CEMIP2: variants seen among roughly 807,000 people sequenced by gnomAD.
CEMIP2 encodes cell surface hyaluronidase CEMIP2.
CEMIP2 carries 79 observed loss-of-function variants against 146.9 expected under a neutral mutation model. That is an observed-to-expected ratio of 0.54 (90% CI 0.45 to 0.65). The LOEUF is 0.65. Ranked by LOEUF, CEMIP2 falls within the 30% of genes least tolerant of loss-of-function variation. The probability of loss-of-function intolerance (pLI) is 0.00; values close to 1 mark genes in which losing one functional copy is unlikely to be tolerated. For synonymous variants in CEMIP2, 601 were observed against 606.3 expected (o/e 0.99, Z 0.13); for missense variants, 1,596 against 1,696.2 (o/e 0.94, Z 1.04).
intron 11 of CEMIP2, 57 bp downstream of exon 11, chr9:71,725,524 A>G: frequency 6.5e-7 from 1 of 1,549,374 alleles, no homozygotes; most frequent in Non-Finnish European, 8.8e-7. Flanking sequence ...TAATCACAAT[A>G]GTTCATCCTT....
chr9:71,768,630 G>A (rs934893104), upstream of CEMIP2: 2 of 152,192 alleles, frequency 1.3e-5, no homozygotes, highest in African/African-American at 4.8e-5. Flanking sequence ...TCGGGGGCAG[G>A]GGCCTCGGCT....
chr9:71,718,379 A>C (rs1053337565), intron 12 of CEMIP2, among the ~76,000 whole-genome samples: 2 of 152,178 alleles, frequency 1.3e-5, no homozygotes, highest in African/African-American at 4.8e-5. Context: ...CAGATCAGGA[A>C]GTATGTCATG....
chr9:71,707,096 G>T (rs1376617299), intron 17 of CEMIP2, among the ~76,000 whole-genome samples: 1 of 152,148 alleles, frequency 6.6e-6, no homozygotes, highest in African/African-American at 2.4e-5. Flanking sequence ...CCAAAGTGCT[G>T]GGATTACAGG....
At chr9:71,726,016 A>C (rs1421916565) in intron 10 of CEMIP2, among the ~76,000 whole-genome samples, 1 of 152,244 alleles carries the variant, frequency 6.6e-6, no homozygotes, top group Non-Finnish European at 1.5e-5. Flanking sequence ...GCAGAATTAA[A>C]ACCAAATCGG....
intron 1 of CEMIP2, among the ~76,000 whole-genome samples, chr9:71,767,609 G>A (rs1824835431): frequency 6.6e-6 from 1 of 152,182 alleles, no homozygotes; most frequent in African/African-American, 2.4e-5. Flanking sequence ...TCAGGACCTT[G>A]GTTTTATCGC....
intron 21 of CEMIP2, 144 bp downstream of exon 21, chr9:71,694,365 T>C (rs1304336058): frequency 5.1e-6 from 3 of 591,214 alleles, no homozygotes; most frequent in African/African-American, 1.9e-5. Context: ...CCTTATGATC[T>C]GCCCACCTTG....
intron 1 of CEMIP2, among the ~76,000 whole-genome samples, chr9:71,762,387 G>A (rs1432689043): frequency 2.0e-5 from 3 of 151,688 alleles, no homozygotes; most frequent in East Asian, 1.9e-4. Flanking sequence ...CTTAGAGGCC[G>A]AGGCAGTTGG....
intron 19 of CEMIP2, among the ~76,000 whole-genome samples, chr9:71,698,955 A>T (rs2131875421): frequency 6.6e-6 from 1 of 152,024 alleles, no homozygotes; most frequent in Non-Finnish European, 1.5e-5. Flanking sequence ...TAATGAGGTC[A>T]ATAAACAGTA....
At chr9:71,742,576 A>G (rs1589159149) in intron 4 of CEMIP2, among the ~76,000 whole-genome samples, 2 of 152,236 alleles carry the variant, frequency 1.3e-5, no homozygotes, top group East Asian at 3.9e-4. Flanking sequence ...AATCAAGAGC[A>G]ATATTTTAAA....
chr9:71,718,207 A>T, intron 12 of CEMIP2, 128 bp from the exon 13 acceptor site: 1 of 870,600 alleles, frequency 1.1e-6, no homozygotes, highest in Non-Finnish European at 1.6e-6. Flanking sequence ...CTTAAGATAC[A>T]ACTTACTTAC....
chr9:71,761,841 T>C (rs990761504), intron 1 of CEMIP2, among the ~76,000 whole-genome samples: 1 of 152,100 alleles, frequency 6.6e-6, no homozygotes, highest in Non-Finnish European at 1.5e-5. Context: ...GCTGAGGAGG[T>C]GATTGCTTGA....
chr9:71,722,495 T>C lies in CEMIP2; in HGVS notation c.2199A>G (p.Lys733=). The change falls in exon 12 of 24, where the codon AAA becomes AAG. Residue 733 remains lysine, a synonymous_variant. Transcript: ENST00000377044. ...CACTAGAGTTGGTTGTTTTGACACC[T>C]TTGTCAATAAATAAGCCAGCCTGAA... ...SNFKAGLFID[K]GVKTTNSSAA... 6.2e-7 allele frequency: 1 copy of C among 1,613,308 alleles called. No individual in the cohort carries two copies. The highest frequency in any genetic ancestry group is 1.1e-5 in the South Asian group (1 of 91,008).
chr9:71,745,549 C>G lies in CEMIP2; in HGVS notation c.503G>C (p.Gly168Ala), dbSNP rs1280044475. The G allele has an allele frequency of 6.2e-7, 1 of 1,610,396 alleles. No individual in the cohort carries two copies. The highest frequency in any genetic ancestry group is 8.5e-7 in the Non-Finnish European group (1 of 1,179,134). Reference sequence around the variant, plus strand: ...AGTCCTCAAAGTAATATTTCTGGATCCATCTTTATTGTCCCCAAATACAAG... The same window carrying G: ...AGTCCTCAAAGTAATATTTCTGGATGCATCTTTATTGTCCCCAAATACAAG... ...GLLVFGDNKD[G>A]SRNITLRTHY... is the part of the protein sequence containing the mutation. Residue 168 changes from glycine to alanine, a missense_variant, in exon 4 of 24, where the codon GGA becomes GCA. Coordinates refer to ENST00000377044, the MANE Select transcript of CEMIP2 (RefSeq NM_013390.3).
chr9:71,750,324 T>C lies in CEMIP2; in HGVS notation c.50A>G (p.Gln17Arg). ...AGATGGGTGACGACTATTTCCATTCTGAGGTTGGAGGAAAGCAGGGGAGTG... is the reference window on the plus strand; with the variant it reads ...AGATGGGTGACGACTATTTCCATTCCGAGGTTGGAGGAAAGCAGGGGAGTG... The part of the protein sequence containing the change: ...RGHSPAFLQP[Q>R]NGNSRHPSGY... The change falls in exon 2 of 24, where the codon CAG (glutamine) becomes CGG (arginine). Residue 17 changes from glutamine to arginine, a missense_variant. Physicochemically the swap from Gln to Arg is conservative, Grantham distance 43. Transcript: ENST00000377044. 6.2e-7 allele frequency: 1 copy of C among 1,613,956 alleles called. No individual in the cohort carries two copies. Among genetic ancestry groups the C allele is most frequent in the Non-Finnish European group, 8.5e-7 (1 of 1,180,000 alleles).
chr9:71,731,597 G>T (rs1823617993), intron 7 of CEMIP2, among the ~76,000 whole-genome samples: 1 of 152,032 alleles, frequency 6.6e-6, no homozygotes, highest in Non-Finnish European at 1.5e-5. Flanking sequence ...CAGGCACTGT[G>T]GTGTACACCT....
Position 71,700,791 on chromosome 9 carries a change from T to C in CEMIP2, c.3228A>G (p.Pro1076=), listed in dbSNP as rs1822537433. ...AGGTAACTTGAAAACTTGTGTTTGA[T>C]GGATAGCAAAGGCCAACTCGAATCC... ...NDWIRVGLCY[P]SNTSFQVTFG... The change falls in exon 19 of 24, where the codon CCA becomes CCG. Residue 1076 remains proline, a synonymous_variant. Transcript: ENST00000377044. 1 of 1,611,152 alleles carries C rather than the reference T, an allele frequency of 6.2e-7. No individual in the cohort carries two copies. The highest frequency in any genetic ancestry group is 2.2e-5 in the East Asian group (1 of 44,872).
intron 1 of CEMIP2, among the ~76,000 whole-genome samples, chr9:71,761,122 C>G (rs1294260700): frequency 6.6e-6 from 1 of 152,254 alleles, no homozygotes; most frequent in African/African-American, 2.4e-5. Context: ...AGCCTTGCAG[C>G]TGGCCTTCCA....
intron 7 of CEMIP2, among the ~76,000 whole-genome samples, chr9:71,731,609 T>C (rs1227200582): frequency 6.6e-6 from 1 of 151,938 alleles, no homozygotes; most frequent in Non-Finnish European, 1.5e-5. Flanking sequence ...TGTACACCTG[T>C]AGTCCCAGCT....
At chr9:71,685,682 C>A in intron 23 of CEMIP2, 61 bp downstream of exon 23, 1 of 1,379,422 alleles carries the variant, frequency 7.2e-7, no homozygotes, top group South Asian at 1.2e-5. Context: ...CTGAATTGCA[C>A]CATAAAATTA....
Sources: gnomAD v4.1 joint callset for allele counts (sites outside exome capture counted in the v4.1 genomes callset) on GRCh38, gnomAD v4.1.1 for gene constraint, MANE v1.5 for transcripts, NCBI Gene and HGNC (gene_info 2026-07-23, HGNC 2026-07-21) for gene names.